Variants in ANO4 observed in about 807,000 individuals in gnomAD.
ANO4 encodes anoctamin 4, also known as anoctamin-4.
Under a neutral mutation model 141.9 loss-of-function variants are expected in ANO4, and 69 were observed. The observed-to-expected ratio is 0.49, with a 90% confidence interval of 0.40 to 0.59. The LOEUF (loss-of-function observed/expected upper bound fraction) is 0.59, where lower values mean the gene tolerates loss of function less well. Ranked by LOEUF, ANO4 falls within the 20% of genes least tolerant of loss-of-function variation. ANO4 has a pLI of 0.00. For missense variants in ANO4, 894 were observed against 1,162.2 expected (o/e 0.77, Z 3.36); for synonymous variants, 350 against 394.3 (o/e 0.89, Z 1.33).
At chr12:100,767,861 C>T (rs1300442749) in intron 3 of ANO4, among the ~76,000 whole-genome samples, 2 of 152,188 alleles carry the variant, frequency 1.3e-5, no homozygotes, top group Non-Finnish European at 2.9e-5. Flanking sequence ...TTTACACTTT[C>T]CCCACCTCAC....
At position 101,027,860 on chromosome 12, in the gene ANO4, C is replaced by T. The variant is rs11833489; in HGVS notation, c.841+7720C>T. Among the ~76,000 whole-genome samples, 473 of 152,158 alleles carry T rather than the reference C, an allele frequency of 3.1e-3. 4 individuals carry two copies. The highest frequency in any genetic ancestry group is 0.011 in the African/African-American group (441 of 41,528). Reference sequence around the variant, plus strand: ...TAAATGGGTCCCATTTCCCTTGTCACCCAAATAGGTAAGACCTTCCAACAG... The same window carrying T: ...TAAATGGGTCCCATTTCCCTTGTCATCCAAATAGGTAAGACCTTCCAACAG... On this transcript the variant is annotated intron_variant, in intron 9 of 27. Transcript: ENST00000392977.
intron 1 of ANO4, among the ~76,000 whole-genome samples, chr12:100,827,640 G>A (rs1486866579): frequency 1.3e-5 from 2 of 151,802 alleles, no homozygotes; most frequent in Admixed American, 6.6e-5. Flanking sequence ...GGAAATAAAT[G>A]TCAATATTTG....
chr12:100,887,084 A>T (rs1849816), intron 1 of ANO4, among the ~76,000 whole-genome samples: 3 of 152,106 alleles, frequency 2.0e-5, no homozygotes, highest in Admixed American at 6.5e-5. Flanking sequence ...GCTAAGTGAC[A>T]AAAATCTTAT....
At chr12:100,896,441 C>G (rs937019577) in intron 1 of ANO4, among the ~76,000 whole-genome samples, 1 of 151,488 alleles carries the variant, frequency 6.6e-6, no homozygotes, top group Non-Finnish European at 1.5e-5. Context: ...TGGATTCTCC[C>G]CAGAGCTTCT....
chr12:101,006,135 G>T (rs1262108605), intron 8 of ANO4, among the ~76,000 whole-genome samples: 1 of 152,118 alleles, frequency 6.6e-6, no homozygotes, highest in Admixed American at 6.5e-5. Context: ...AAAAGAAAAA[G>T]GCTATTCCCC....
At chr12:101,031,898 G>C (rs1030093696) in intron 9 of ANO4, among the ~76,000 whole-genome samples, 1 of 152,112 alleles carries the variant, frequency 6.6e-6, no homozygotes, top group African/African-American at 2.4e-5. Context: ...CTTCTTCAAG[G>C]ATAACTACAA....
chr12:101,023,837 T>A (rs1054691678), intron 9 of ANO4, among the ~76,000 whole-genome samples: 3 of 152,218 alleles, frequency 2.0e-5, no homozygotes, highest in Non-Finnish European at 4.4e-5. Flanking sequence ...CATTATCATC[T>A]TTGGTTTTGT....
chr12:101,058,978 A>G (rs751211109), intron 14 of ANO4, among the ~76,000 whole-genome samples: 1 of 152,110 alleles, frequency 6.6e-6, no homozygotes, highest in African/African-American at 2.4e-5. Context: ...TTGCCCCTTC[A>G]TATGATATTG....
intron 5 of ANO4, among the ~76,000 whole-genome samples, chr12:100,951,339 A>G (rs1373093958): frequency 6.6e-6 from 1 of 152,184 alleles, no homozygotes; most frequent in Non-Finnish European, 1.5e-5. Flanking sequence ...CTGTGTATAT[A>G]CCCAAAGGAA....
intron 6 of ANO4, 90 bp downstream of exon 6, chr12:100,971,496 C>T: frequency 1.1e-6 from 1 of 942,340 alleles, no homozygotes; most frequent in Non-Finnish European, 1.6e-6. Flanking sequence ...AACTGAAATG[C>T]AGATTGGAAG....
chr12:100,740,199 G>A, intron 3 of ANO4: 1 of 665,812 alleles, frequency 1.5e-6, no homozygotes, highest in Non-Finnish European at 2.7e-6. Context: ...TTGTATTTCT[G>A]CTTGTGTGAT....
chr12:100,957,586 T>C (rs1592835453), intron 5 of ANO4, among the ~76,000 whole-genome samples: 1 of 152,212 alleles, frequency 6.6e-6, no homozygotes, highest in Non-Finnish European at 1.5e-5. Flanking sequence ...CCAACCATTT[T>C]TTAATTTATT....
rs114025741 is a variant in ANO4 at position 100,983,833 on chromosome 12, A to G, written c.603-3706A>G. ...GTCTGTAACCTTCCTTACATCTCCA[A>G]AGTCCCTTTTGCCATGTAACATAAC... On this transcript the variant is annotated intron_variant, in intron 7 of 27. Coordinates refer to ENST00000392977, the MANE Select transcript of ANO4 (RefSeq NM_001286615.2). 5.0e-3 allele frequency among the ~76,000 whole-genome samples: 756 copies of G among 152,244 alleles called. 7 individuals carry two copies. The highest frequency in any genetic ancestry group is 0.017 in the African/African-American group (709 of 41,516).
At chr12:101,120,317 G>T (rs1358707019) in intron 25 of ANO4, among the ~76,000 whole-genome samples, 2 of 152,110 alleles carry the variant, frequency 1.3e-5, no homozygotes, top group African/African-American at 4.8e-5. Context: ...GGAAGTCCTA[G>T]TCAACCCACA....
chr12:100,952,876 C>T (rs770455940), intron 5 of ANO4, among the ~76,000 whole-genome samples: 37 of 152,138 alleles, frequency 2.4e-4, no homozygotes, highest in Non-Finnish European at 4.4e-4. Context: ...ATGACCTGTA[C>T]AAAGTTATCT....
intron 11 of ANO4, among the ~76,000 whole-genome samples, chr12:101,041,436 G>C (rs548951307): frequency 2.6e-5 from 4 of 152,158 alleles, no homozygotes; most frequent in African/African-American, 9.7e-5. Context: ...TCCCAGCCTC[G>C]GTGCCATGTT....
At chr12:100,894,373 G>A (rs555478814) in intron 1 of ANO4, among the ~76,000 whole-genome samples, 32 of 152,148 alleles carry the variant, frequency 2.1e-4, no homozygotes, top group African/African-American at 7.0e-4. Flanking sequence ...CTCTGGGTTC[G>A]GTGGTTGGGG....
At chr12:100,984,287 G>A (rs769628873) in intron 7 of ANO4, among the ~76,000 whole-genome samples, 13 of 152,156 alleles carry the variant, frequency 8.5e-5, no homozygotes, top group Non-Finnish European at 1.6e-4. Context: ...AGTAGAGATG[G>A]GGTTTCACTA....
At chr12:101,124,680 C>G (rs2051233739) in intron 26 of ANO4, among the ~76,000 whole-genome samples, 2 of 152,152 alleles carry the variant, frequency 1.3e-5, no homozygotes, top group Admixed American at 1.3e-4. Context: ...TTTCGATTTT[C>G]TGCATATGGC....
Sources: allele counts gnomAD v4.1 joint callset (sites outside exome capture counted in the v4.1 genomes callset), GRCh38; gene constraint gnomAD v4.1.1; transcripts MANE v1.5; gene names NCBI Gene and HGNC (gene_info 2026-07-23, HGNC 2026-07-21).